CTNNA3: variants seen among roughly 807,000 people sequenced by gnomAD.
CTNNA3 encodes the protein catenin alpha-3.
A neutral mutation model predicts 95.7 loss-of-function variants in CTNNA3; 76 were observed. The ratio of observed to expected loss-of-function variants is 0.79; its 90% CI spans 0.66 to 0.96. The LOEUF (loss-of-function observed/expected upper bound fraction) is 0.96, where lower values mean the gene tolerates loss of function less well. Ranked by LOEUF, CTNNA3 falls within the 40% of genes least tolerant of loss-of-function variation. CTNNA3 has a pLI of 0.00. For synonymous variants in CTNNA3, 431 were observed against 374.4 expected, an observed-to-expected ratio of 1.15 and a Z score of -1.74; for missense variants, 1,191 against 1,089.8, an observed-to-expected ratio of 1.09 and a Z score of -1.31.
intron 7 of CTNNA3, among the ~76,000 whole-genome samples, chr10:66,861,267 A>T (rs775554731): frequency 2.6e-5 from 4 of 152,208 alleles, no homozygotes; most frequent in Non-Finnish European, 5.9e-5. Flanking sequence ...GTTTTGTTAC[A>T]ACATTGATAA....
intron 5 of CTNNA3, among the ~76,000 whole-genome samples, chr10:67,471,284 C>T (rs909275919): frequency 1.3e-5 from 2 of 152,176 alleles, no homozygotes; most frequent in Admixed American, 6.5e-5. Context: ...TAAAGATTGC[C>T]AAATGTCCCC....
intron 7 of CTNNA3, among the ~76,000 whole-genome samples, chr10:67,047,852 C>CT (rs937165383): frequency 1.3e-5 from 2 of 151,964 alleles, no homozygotes; most frequent in African/African-American, 4.8e-5. Context: ...TTTTCCTGCT[C>CT]TTAGTTCAAT....
At chr10:67,058,885 T>C (rs2147886) in intron 7 of CTNNA3, among the ~76,000 whole-genome samples, 97,836 of 151,990 alleles carry the variant, frequency 0.64, 33,098 homozygotes, top group African/African-American at 0.86. Flanking sequence ...ATACTTAGTA[T>C]GACTACACCT....
chr10:67,646,419 G>A lies in CTNNA3; in HGVS notation c.99+996C>T, dbSNP rs1442305082. On this transcript the variant is annotated intron_variant, in intron 2 of 17. Transcript: ENST00000433211. ...AAATTTCACACCAGATATTAGTGCC[G>A]TTAAGACTGCCAAAGTTAACTATTA... Among the ~76,000 whole-genome samples, 8 of 151,818 alleles carry A rather than the reference G, an allele frequency of 5.3e-5. No individual in the cohort carries two copies. In the South Asian group the frequency reaches 6.2e-4, roughly 12 times the overall value.
chr10:65,915,187 A>G lies in CTNNA3; in HGVS notation c.*5143T>C, dbSNP rs1335178549. 6.6e-6 allele frequency: 1 copy of G among 152,096 alleles called. No homozygotes were observed. Among genetic ancestry groups the G allele is most frequent in the Non-Finnish European group, 1.5e-5 (1 of 67,998 alleles). 9.4% of individuals were successfully genotyped at this position (152,096 alleles called of 1,614,324 possible). A position where few individuals can be genotyped will look rare whatever the true frequency, so the allele number is the denominator to read the frequency against. ...AACCCAGATTGGCTCTAATATTGGG[A>G]AGAATTTCACCTACCATCAGTCAGG... On this transcript the variant is annotated 3_prime_UTR_variant, in exon 18 of 18. Coordinates refer to ENST00000433211, the MANE Select transcript of CTNNA3 (RefSeq NM_013266.4).
chr10:66,622,573 T>A (rs1404043342), intron 9 of CTNNA3, among the ~76,000 whole-genome samples: 1 of 152,178 alleles, frequency 6.6e-6, no homozygotes, highest in African/African-American at 2.4e-5. Context: ...TTCTTCTTAC[T>A]AACACAGTAA....
chr10:66,645,179 G>C (rs1179813149), intron 9 of CTNNA3, among the ~76,000 whole-genome samples: 1 of 151,718 alleles, frequency 6.6e-6, no homozygotes, highest in Non-Finnish European at 1.5e-5. Context: ...ATTCTCACAT[G>C]GTTTTCACAA....
At chr10:67,242,615 A>G (rs1310914708) in intron 5 of CTNNA3, among the ~76,000 whole-genome samples, 2 of 152,206 alleles carry the variant, frequency 1.3e-5, no homozygotes, top group Non-Finnish European at 2.9e-5. Flanking sequence ...TGAATCTAAT[A>G]TACTAGCACA....
At chr10:67,418,311 A>G (rs1845615498) in intron 5 of CTNNA3, among the ~76,000 whole-genome samples, 1 of 152,138 alleles carries the variant, frequency 6.6e-6, no homozygotes, top group Non-Finnish European at 1.5e-5. Context: ...TTTTCTCAAA[A>G]TCGTAAAAAT....
At chr10:66,981,521 G>C (rs550992486) in intron 7 of CTNNA3, among the ~76,000 whole-genome samples, 16 of 151,964 alleles carry the variant, frequency 1.1e-4, no homozygotes, top group Non-Finnish European at 1.8e-4. Context: ...CTCATTTACA[G>C]CATATCTCCA....
chr10:67,731,683 T>C (rs1589584009), intron 1 of CTNNA3, among the ~76,000 whole-genome samples: 1 of 147,614 alleles, frequency 6.8e-6, no homozygotes, highest in African/African-American at 2.5e-5. Flanking sequence ...GCGCCTGTAG[T>C]CCCAGCTACT....
chr10:66,648,987 G>C (rs553459188), intron 9 of CTNNA3, among the ~76,000 whole-genome samples: 14 of 152,180 alleles, frequency 9.2e-5, no homozygotes, highest in South Asian at 6.2e-4. Flanking sequence ...AGAATACCTA[G>C]GGCAGAATTT....
At chr10:67,402,114 T>C (rs763412683) in intron 5 of CTNNA3, among the ~76,000 whole-genome samples, 1 of 152,144 alleles carries the variant, frequency 6.6e-6, no homozygotes, top group Admixed American at 6.5e-5. Flanking sequence ...ATGACAGACA[T>C]AGAATTCAAA....
At chr10:66,056,644 T>C (rs963797881) in intron 15 of CTNNA3, among the ~76,000 whole-genome samples, 1 of 152,180 alleles carries the variant, frequency 6.6e-6, no homozygotes, top group Non-Finnish European at 1.5e-5. Context: ...AACCCAACAG[T>C]GAAGCCATCA....
At chr10:66,213,146 G>A (rs2088280618) in intron 13 of CTNNA3, among the ~76,000 whole-genome samples, 1 of 152,022 alleles carries the variant, frequency 6.6e-6, no homozygotes. Context: ...AGTTAAAGTA[G>A]TTTTGCTTTA....
chr10:65,960,410 A>C (rs2077819172), intron 17 of CTNNA3, among the ~76,000 whole-genome samples: 1 of 152,056 alleles, frequency 6.6e-6, no homozygotes, highest in South Asian at 2.1e-4. Flanking sequence ...CTGTAGTCCC[A>C]CCTACTCGGT....
At chr10:66,520,245 C>CTT (rs543882241) in intron 11 of CTNNA3, among the ~76,000 whole-genome samples, 861 of 78,062 alleles carry the variant, frequency 0.011, 36 homozygotes, top group Non-Finnish European at 0.015. Context: ...TAGTATTATT[C>CTT]TTTTTTTTTT....
At chr10:66,856,502 T>G (rs537917996) in intron 7 of CTNNA3, among the ~76,000 whole-genome samples, 1 of 152,038 alleles carries the variant, frequency 6.6e-6, no homozygotes, top group South Asian at 2.1e-4. Flanking sequence ...CTTCCCACAG[T>G]GACTCAACTA....
intron 9 of CTNNA3, among the ~76,000 whole-genome samples, chr10:66,727,450 T>C (rs1848815732): frequency 6.6e-6 from 1 of 152,144 alleles, no homozygotes; most frequent in African/African-American, 2.4e-5. Flanking sequence ...GCAGATCATA[T>C]TTCATTAAAC....
Sources: gnomAD v4.1 joint callset for allele counts (sites outside exome capture counted in the v4.1 genomes callset) on GRCh38, gnomAD v4.1.1 for gene constraint, MANE v1.5 for transcripts, NCBI Gene and HGNC (gene_info 2026-07-23, HGNC 2026-07-21) for gene names.